PCDHGA7: variants seen among roughly 807,000 people sequenced by gnomAD.
PCDHGA7 encodes protocadherin gamma-A7.
A neutral mutation model predicts 58.3 loss-of-function variants in PCDHGA7; 44 were observed. The observed-to-expected ratio is 0.75, with a 90% CI of 0.59 to 0.97. The LOEUF is 0.97. Among genes scored for constraint, PCDHGA7 ranks in the 50% least tolerant of loss-of-function variants. The pLI is 0.00. For missense variants in PCDHGA7, 1,266 were observed against 1,188.7 expected (o/e 1.06, Z -0.96); for synonymous variants, 516 against 504.2 (o/e 1.02, Z -0.31).
chr5:141,461,409 A>ATATGTTTGT (rs1491521215), intron 1 of PCDHGA7, among the ~76,000 whole-genome samples: 2 of 151,810 alleles, frequency 1.3e-5, no homozygotes, highest in Non-Finnish European at 2.9e-5. Context: ...GCATTTTTTC[A>ATATGTTTGT]TATGTTTGTG....
chr5:141,403,703 G>A (rs747321937), intron 1 of PCDHGA7: 5 of 1,613,946 alleles, frequency 3.1e-6, no homozygotes, highest in Non-Finnish European at 4.2e-6. Context: ...CCGAGTTAAA[G>A]TCCTTGAGAA....
At chr5:141,453,377 T>TC (rs1242854086) in intron 1 of PCDHGA7, among the ~76,000 whole-genome samples, 3 of 152,072 alleles carry the variant, frequency 2.0e-5, no homozygotes, top group Admixed American at 2.0e-4. Context: ...CAAGTGATCC[T>TC]CCTGCCTTAG....
chr5:141,404,415 T>C, intron 1 of PCDHGA7: 1 of 1,613,844 alleles, frequency 6.2e-7, no homozygotes, highest in Non-Finnish European at 8.5e-7. Context: ...TCTAGAGTTA[T>C]TTACTCCTTG....
rs767521224 is a variant in PCDHGA7 at position 141,431,148 on chromosome 5, C to T, written c.2424+45825C>T. 3.7e-6 allele frequency: 6 copies of T among 1,614,146 alleles called. No homozygotes were observed. Among genetic ancestry groups the T allele is most frequent in the Admixed American group, 1.7e-5 (1 of 60,030 alleles). On this transcript the variant is annotated intron_variant, in intron 1 of 3. Coordinates refer to ENST00000518325, the MANE Select transcript of PCDHGA7 (RefSeq NM_018920.4). The surrounding 1 kb of genome is among the most constrained non-coding windows in gnomAD (Gnocchi z 4.8). Reference sequence around the variant, plus strand: ...GAAGTAAGGGACATTAACGACAATGCGCCTTACTTTCGTGAAAGTGAATTA... The same window carrying T: ...GAAGTAAGGGACATTAACGACAATGTGCCTTACTTTCGTGAAAGTGAATTA...
At chr5:141,417,621 A>G in intron 1 of PCDHGA7, 1 of 662,852 alleles carries the variant, frequency 1.5e-6, no homozygotes, top group Non-Finnish European at 2.4e-6. Context: ...GTGCAGAGCA[A>G]GCGCTGACGC....
At chr5:141,474,133 C>T (rs35162249) in intron 1 of PCDHGA7, among the ~76,000 whole-genome samples, 9,247 of 152,260 alleles carry the variant, frequency 0.061, 334 homozygotes, top group South Asian at 0.12. Flanking sequence ...CAGAAAACTA[C>T]AGGCCTTATT....
chr5:141,477,737 G>T lies in PCDHGA7; in HGVS notation c.2425-17070G>T, dbSNP rs1178108717. 1.2e-6 allele frequency: 2 copies of T among 1,613,846 alleles called. No homozygotes were observed. Among genetic ancestry groups the T allele is most frequent in the South Asian group, 1.1e-5 (1 of 91,088 alleles). ...ATTTGAATTAACAGCTCATATCAGC[G>T]ATGGGGGCACCCCGGTCCTAGCCAC... On this transcript the variant is annotated intron_variant, in intron 1 of 3. Coordinates refer to ENST00000518325, the MANE Select transcript of PCDHGA7 (RefSeq NM_018920.4). This position sits in a 1 kb window ranked among gnomAD's most constrained non-coding sequence, Gnocchi z 4.9.
chr5:141,421,348 G>C lies in PCDHGA7; in HGVS notation c.2424+36025G>C, dbSNP rs202220769. On this transcript the variant is annotated intron_variant, in intron 1 of 3. Coordinates refer to ENST00000518325, the MANE Select transcript of PCDHGA7 (RefSeq NM_018920.4). ...CCGATATTCGGTGCCAGAAGAGACC[G>C]AAAAGGGCTCCTTCGTGGGCAATAT... 9.1e-5 allele frequency: 147 copies of C among 1,613,862 alleles called. No individual in the cohort carries two copies. Among genetic ancestry groups the C allele is most frequent in the Non-Finnish European group, 1.1e-4 (125 of 1,179,904 alleles).
At chr5:141,421,352 A>T in intron 1 of PCDHGA7, 1 of 1,613,946 alleles carries the variant, frequency 6.2e-7, no homozygotes, top group Non-Finnish European at 8.5e-7. Context: ...GAGACCGAAA[A>T]GGGCTCCTTC....
rs1423149 is a variant in PCDHGA7, at chr5:141,487,780, C to G, written c.2425-7027C>G. ...TAGACGCTGTGCTTTGTAACTGTTTCGTGAATTAACCAGAGTTGTCACAGT... is the reference window on the plus strand; with the variant it reads ...TAGACGCTGTGCTTTGTAACTGTTTGGTGAATTAACCAGAGTTGTCACAGT... On this transcript the variant is annotated intron_variant, in intron 1 of 3. Transcript: ENST00000518325. This position sits in a 1 kb window ranked among gnomAD's most constrained non-coding sequence, Gnocchi z 5.0. 6.6e-7 allele frequency: 1 copy of G among 1,526,704 alleles called. No individual in the cohort carries two copies. The allele number at this position is 1,526,704 out of a possible 1,614,324, so 94.6% of individuals were successfully genotyped here. A position where few individuals can be genotyped will look rare whatever the true frequency, so the allele number is the denominator to read the frequency against.
chr5:141,449,782 T>C (rs2098655261), intron 1 of PCDHGA7, among the ~76,000 whole-genome samples: 1 of 151,720 alleles, frequency 6.6e-6, no homozygotes, highest in South Asian at 2.1e-4. Flanking sequence ...GAAATTATGT[T>C]TCTTTATTCC....
At position 141,383,640 on chromosome 5, in the gene PCDHGA7, C is replaced by A. The variant is rs1305472453; in HGVS notation, c.741C>A (p.Tyr247Ter). The stretch of plus-strand genomic sequence containing the variant: ...CGCCTGTCTTCTCTCTGCCTCAGTA[C>A]CAAGTAACTGTCCCCGAGAATGTGC... ...DHTPVFSLPQ[Y>*]QVTVPENVPV... Residue 247 changes from tyrosine to a stop codon, truncating the protein, a stop_gained, in exon 1 of 4, where the codon TAC becomes TAA. Transcript: ENST00000518325. LOFTEE classifies it high-confidence loss of function. The A allele has an allele frequency of 3.1e-6, 5 of 1,613,848 alleles. No individual in the cohort carries two copies. Among genetic ancestry groups the A allele is most frequent in the Non-Finnish European group, 4.2e-6 (5 of 1,179,894 alleles).
chr5:141,414,533 C>T, intron 1 of PCDHGA7: 1 of 1,613,960 alleles, frequency 6.2e-7, no homozygotes, highest in Non-Finnish European at 8.5e-7. Flanking sequence ...AATGACAACC[C>T]ACCTACCTTC....
intron 1 of PCDHGA7, chr5:141,395,513 C>T: frequency 2.4e-6 from 1 of 420,938 alleles, no homozygotes; most frequent in South Asian, 3.5e-5. Context: ...GAAGTAGCTA[C>T]CCGTCCATAC....
rs771744120 is a variant in PCDHGA7 at position 141,485,876 on chromosome 5, G to A, written c.2425-8931G>A. ...AGAGCTCCGGGTATCCGTGCTGGAC[G>A]TAAACGACAACGCCCCAGCCTTCCA... On this transcript the variant is annotated intron_variant, in intron 1 of 3. Transcript: ENST00000518325. This position sits in a 1 kb window ranked among gnomAD's most constrained non-coding sequence, Gnocchi z 5.7. 1 of 1,614,174 alleles carries A rather than the reference G, an allele frequency of 6.2e-7. No homozygotes were observed. Among genetic ancestry groups the A allele is most frequent in the Non-Finnish European group, 8.5e-7 (1 of 1,180,030 alleles).
intron 3 of PCDHGA7, among the ~76,000 whole-genome samples, chr5:141,508,528 C>T (rs2099869454): frequency 6.6e-6 from 1 of 152,186 alleles, no homozygotes; most frequent in Admixed American, 6.5e-5. Context: ...AACCTCAGGG[C>T]ACCCCCCACG....
At position 141,389,566 on chromosome 5, in the gene PCDHGA7, T is replaced by A. The variant is rs757362223; in HGVS notation, c.2424+4243T>A. On this transcript the variant is annotated intron_variant, in intron 1 of 3. Transcript: ENST00000518325. ...CGCAACGACAATGCGCCACGGGTGC[T>A]GTACCCCGCGCTGGGTCCCGACGGC... The A allele has an allele frequency of 3.2e-5, 52 of 1,613,278 alleles. No homozygotes were observed. The Middle Eastern group carries it at 6.6e-4, about 21-fold the overall frequency.
intron 1 of PCDHGA7, among the ~76,000 whole-genome samples, chr5:141,447,047 T>C (rs529082157): frequency 1.3e-5 from 2 of 152,342 alleles, no homozygotes; most frequent in African/African-American, 4.8e-5. Flanking sequence ...TCTGGAATTC[T>C]ATTAAAATGT....
Position 141,432,938 on chromosome 5 carries a change from G to C in PCDHGA7, c.2424+47615G>C. ...CTGGCACAAGTCACGCCTGCTGCAG[G>C]CTTCAGGAGGCGGCTTGACAGGAGC... On this transcript the variant is annotated intron_variant, in intron 1 of 3. Transcript: ENST00000518325. The surrounding 1 kb of genome is among the most constrained non-coding windows in gnomAD (Gnocchi z 6.0). 2 of 1,614,192 alleles carry C rather than the reference G, an allele frequency of 1.2e-6. No homozygotes were observed. Among genetic ancestry groups the C allele is most frequent in the South Asian group, 2.2e-5 (2 of 91,086 alleles).
Sources: gnomAD v4.1 joint callset for allele counts (sites outside exome capture counted in the v4.1 genomes callset) on GRCh38, gnomAD v4.1.1 for gene constraint, Gnocchi (gnomAD v3.1) non-coding constraint, MANE v1.5 for transcripts, NCBI Gene and HGNC (gene_info 2026-07-23, HGNC 2026-07-21) for gene names.